ADAMTS8: variants seen among roughly 807,000 people sequenced by gnomAD.
ADAMTS8 encodes A disintegrin and metalloproteinase with thrombospondin motifs 8.
Under a neutral mutation model 64.4 loss-of-function variants are expected in ADAMTS8, and 50 were observed. The ratio of observed to expected loss-of-function variants is 0.78; its 90% confidence interval spans 0.62 to 0.98. The LOEUF is 0.98. Among genes scored for constraint, ADAMTS8 ranks in the 50% least tolerant of loss-of-function variants. The probability of loss-of-function intolerance (pLI) is 0.00; values close to 1 mark genes in which losing one functional copy is unlikely to be tolerated. For missense variants in ADAMTS8, 1,192 were observed against 1,208.2 expected, an observed-to-expected ratio of 0.99 and a Z score of 0.20; for synonymous variants, 556 against 533.6, an observed-to-expected ratio of 1.04 and a Z score of -0.58.
rs747674008 is a variant in ADAMTS8 at position 130,417,118 on chromosome 11, G to A, written c.961-43C>T. On this transcript the variant is annotated intron_variant, in intron 2 of 8. Transcript: ENST00000257359. The stretch of plus-strand genomic sequence containing the variant: ...AGCAAGAGAGTGCATCAGTGTGTGT[G>A]TGGGGTGCGCTGCAGGCCTGCAGGG... 12 of 1,610,180 alleles carry A rather than the reference G, an allele frequency of 7.5e-6. No homozygotes were observed. The African/African-American group carries it at 1.3e-4, about 18-fold the overall frequency.
At chr11:130,415,335 G>A (rs1463795215) in intron 4 of ADAMTS8, among the ~76,000 whole-genome samples, 1 of 151,982 alleles carries the variant, frequency 6.6e-6, no homozygotes, top group Non-Finnish European at 1.5e-5. Context: ...ATGAAGTCTA[G>A]CTCTGTTGCC....
Position 130,405,148 on chromosome 11 carries a change from C to T in ADAMTS8, c.*410G>A, listed in dbSNP as rs1861859772. On this transcript the variant is annotated 3_prime_UTR_variant, in exon 9 of 9. Coordinates refer to ENST00000257359, the MANE Select transcript of ADAMTS8 (RefSeq NM_007037.6). ...TGACATTCACCATTGACTCCCTGCC[C>T]CACGCCTCTCTTGTACTAATTTTTT... 1.0e-6 allele frequency: 1 copy of T among 998,838 alleles called. No individual in the cohort carries two copies. The allele number at this position is 998,838 out of a possible 1,614,324, so 61.9% of individuals were successfully genotyped here.
chr11:130,412,356 G>A (rs889537499), intron 5 of ADAMTS8, among the ~76,000 whole-genome samples: 3 of 152,156 alleles, frequency 2.0e-5, no homozygotes, highest in Admixed American at 6.5e-5. Context: ...TGGGATTACA[G>A]GTGCACACCT....
rs80248019 is a variant in ADAMTS8 at position 130,422,922 on chromosome 11, C to T, written c.721-3630G>A. Among the ~76,000 whole-genome samples, 41 of 152,334 alleles carry T rather than the reference C, an allele frequency of 2.7e-4. No homozygotes were observed. In the East Asian group the frequency reaches 7.3e-3, roughly 27 times the overall value. ...AATAGCCATGCCTTGCTGAGTATGTCGTCTGGACCAGGCACCAGGTCAGGT... is the reference window on the plus strand; with the variant it reads ...AATAGCCATGCCTTGCTGAGTATGTTGTCTGGACCAGGCACCAGGTCAGGT... On this transcript the variant is annotated intron_variant, in intron 1 of 8. Coordinates refer to ENST00000257359, the MANE Select transcript of ADAMTS8 (RefSeq NM_007037.6).
At chr11:130,407,241 G>A (rs1287804397) in intron 8 of ADAMTS8, among the ~76,000 whole-genome samples, 1 of 152,154 alleles carries the variant, frequency 6.6e-6, no homozygotes, top group Non-Finnish European at 1.5e-5. Context: ...GGTGGTGCAT[G>A]CCTGTAATCC....
rs1223122011 is a variant in ADAMTS8 at position 130,405,676 on chromosome 11, C to T, written c.2552G>A (p.Gly851Asp). 3 of 1,613,934 alleles carry T rather than the reference C, an allele frequency of 1.9e-6. No individual in the cohort carries two copies. Among genetic ancestry groups the T allele is most frequent in the Non-Finnish European group, 1.7e-6 (2 of 1,179,970 alleles). Residue 851 changes from glycine (G) to aspartate (D), a missense_variant, in exon 9 of 9, where the codon GGC (glycine) becomes GAC (aspartate). Transcript: ENST00000257359. ...WSECSSTCGA[G>D]WQRRTVECRD... is the part of the protein sequence containing the mutation. ...GCACTCTACAGTTCGCCTCTGCCAGCCGGCCCCGCAGGTGCTAGAGCACTC... is the reference window on the plus strand; with the variant it reads ...GCACTCTACAGTTCGCCTCTGCCAGTCGGCCCCGCAGGTGCTAGAGCACTC...
rs1862027809 is a variant in ADAMTS8, at chr11:130,416,551, A to G, written c.1097-221T>C. Among the ~76,000 whole-genome samples, 1 of 152,150 alleles carries G rather than the reference A, an allele frequency of 6.6e-6. No homozygotes were observed. Among genetic ancestry groups the G allele is most frequent in the Non-Finnish European group, 1.5e-5 (1 of 68,034 alleles). On this transcript the variant is annotated intron_variant, in intron 3 of 8. Transcript: ENST00000257359. This position sits in a 1 kb window ranked among gnomAD's most constrained non-coding sequence, Gnocchi z 4.8. ...TTATTTTCTGCCTCAGCCCGTCCTGAATTTGGATCTAGCTCTGTTATTTGC... is the reference window on the plus strand; with the variant it reads ...TTATTTTCTGCCTCAGCCCGTCCTGGATTTGGATCTAGCTCTGTTATTTGC...
rs1319616430 is a variant in ADAMTS8, at chr11:130,427,934, A to G, written c.353T>C (p.Leu118Pro). Reference sequence around the variant, plus strand: ...GAAGGAGCCGCTCAGCCCGCGGCACAGGCTGACCGCCGCCAGCGACTCGGG... The same window carrying G: ...GAAGGAGCCGCTCAGCCCGCGGCACGGGCTGACCGCCGCCAGCGACTCGGG... ...GEPESLAAVS[L>P]CRGLSGSFLL... is the part of the protein sequence containing the mutation. The change falls in exon 1 of 9, where the codon CTG becomes CCG. Residue 118 changes from leucine (L) to proline (P), a missense_variant. By Grantham distance (98) the Leu-to-Pro change is moderately conservative. Around this residue, in one of 5 missense-constraint regions of ADAMTS8, gnomAD observed 741 missense variants for 710.6 expected, o/e 1.04. Transcript: ENST00000257359. The G allele has an allele frequency of 2.0e-6, 3 of 1,532,376 alleles. No homozygotes were observed. Among genetic ancestry groups the G allele is most frequent in the African/African-American group, 2.8e-5 (2 of 72,494 alleles). 94.9% of individuals were successfully genotyped at this position (1,532,376 alleles called of 1,614,324 possible). A position where few individuals can be genotyped will look rare whatever the true frequency, so the allele number is the denominator to read the frequency against.
At chr11:130,421,975 G>A (rs183040324) in intron 1 of ADAMTS8, among the ~76,000 whole-genome samples, 16 of 152,330 alleles carry the variant, frequency 1.1e-4, no homozygotes, top group Non-Finnish European at 2.1e-4. Context: ...CAGAGCAGCC[G>A]CCCCCCAAAC....
rs976416227 is a variant in ADAMTS8 at position 130,411,362 on chromosome 11, C to T, written c.1750+55G>A. On this transcript the variant is annotated intron_variant, in intron 6 of 8. Coordinates refer to ENST00000257359, the MANE Select transcript of ADAMTS8 (RefSeq NM_007037.6). The surrounding 1 kb of genome is among the most constrained non-coding windows in gnomAD (Gnocchi z 4.2). ...CCACTTTACACATCCTCTGGGGATG[C>T]GTCATAGCAATGATAGTAGCTGCTC... 43 of 1,571,080 alleles carry T rather than the reference C, an allele frequency of 2.7e-5. No homozygotes were observed. The highest frequency in any genetic ancestry group is 1.7e-4 in the Middle Eastern group (1 of 5,904).
chr11:130,408,596 C>G lies in ADAMTS8; in HGVS notation c.1967G>C (p.Cys656Ser). The change falls in exon 8 of 9, where the codon TGT (cysteine) becomes TCT (serine). Residue 656 changes from cysteine (C) to serine (S), a missense_variant. Cys to Ser is a moderately radical substitution (Grantham distance 112). Transcript: ENST00000257359. ...GGCCTTGACACACTGGCCACGGACA[C>G]AGATGGCCAGTGTTTCTGGCCCACA... ...TLCGPETLAI[C>S]VRGQCVKAGC... The G allele has an allele frequency of 6.2e-7, 1 of 1,614,208 alleles. No individual in the cohort carries two copies. Among genetic ancestry groups the G allele is most frequent in the Non-Finnish European group, 8.5e-7 (1 of 1,180,050 alleles).
chr11:130,425,604 T>TC (rs1397037206), intron 1 of ADAMTS8, among the ~76,000 whole-genome samples: 1 of 88,532 alleles, frequency 1.1e-5, no homozygotes, highest in African/African-American at 1.2e-4. Flanking sequence ...TTCTTTTTTC[T>TC]TTTTTTTTTT....
intron 1 of ADAMTS8, among the ~76,000 whole-genome samples, chr11:130,423,591 T>G (rs1286570043): frequency 6.6e-6 from 1 of 152,226 alleles, no homozygotes; most frequent in Non-Finnish European, 1.5e-5. Flanking sequence ...GAGATGGCTG[T>G]GACAGCCGTC....
In ADAMTS8 at chr11:130,411,502, G is replaced by A. The variant is rs750163936; in HGVS notation, c.1665C>T (p.Asp555=). 6.2e-7 allele frequency: 1 copy of A among 1,614,154 alleles called. No individual in the cohort carries two copies. Reference sequence around the variant, plus strand: ...ATCTTCCTCCATTCTGAGGCTCGGGGTCCTTGCACTCACGGTGTGAAAACT... The same window carrying A: ...ATCTTCCTCCATTCTGAGGCTCGGGATCCTTGCACTCACGGTGTGAAAACT... ...GVQFSHRECK[D]PEPQNGGRYC... The change falls in exon 6 of 9, where the codon GAC becomes GAT. Residue 555 remains aspartate (D), a synonymous_variant. Coordinates refer to ENST00000257359, the MANE Select transcript of ADAMTS8 (RefSeq NM_007037.6). The surrounding 1 kb of genome is among the most constrained non-coding windows in gnomAD (Gnocchi z 4.2).
In ADAMTS8 at chr11:130,406,487, C is replaced by T. The variant is rs555921624; in HGVS notation, c.2100-359G>A. On this transcript the variant is annotated intron_variant, in intron 8 of 8. Transcript: ENST00000257359. ...ACCTGTCAAATGTGATCTCAAATAC[C>T]TCTAGCTCCTTGCACTGGTATACAA... Among the ~76,000 whole-genome samples the T allele has an allele frequency of 2.0e-5, 3 of 152,322 alleles. No homozygotes were observed. The East Asian group carries it at 5.8e-4, about 29-fold the overall frequency.
In ADAMTS8 at chr11:130,428,229, G is replaced by A; in HGVS notation, c.58C>T (p.Leu20=). The part of the protein sequence containing the change: ...WPPLLLLLLL[L]LPLARGAPAR... ...GGGGCGCCGCGGGCCAGCGGCAGCA[G>A]CAGCAGCAGCAGCAGCAGGAGCGGA... The change falls in exon 1 of 9, where the codon CTG becomes TTG. Residue 20 remains leucine, a synonymous_variant. Coordinates refer to ENST00000257359, the MANE Select transcript of ADAMTS8 (RefSeq NM_007037.6). 7.4e-6 allele frequency: 9 copies of A among 1,221,712 alleles called. No individual in the cohort carries two copies. The highest frequency in any genetic ancestry group is 9.1e-6 in the Non-Finnish European group (9 of 985,150). The allele number at this position is 1,221,712 out of a possible 1,614,324, so 75.7% of individuals were successfully genotyped here.
intron 5 of ADAMTS8, among the ~76,000 whole-genome samples, chr11:130,412,529 C>T (rs899006435): frequency 1.3e-4 from 20 of 152,250 alleles, no homozygotes; most frequent in Admixed American, 9.8e-4. Flanking sequence ...TCCCATTTTA[C>T]AACTGACCTA....
chr11:130,425,370 C>G (rs1432161582), intron 1 of ADAMTS8, among the ~76,000 whole-genome samples: 1 of 152,120 alleles, frequency 6.6e-6, no homozygotes, highest in Non-Finnish European at 1.5e-5. Flanking sequence ...GGCAAATACT[C>G]AGTTATCTCC....
At chr11:130,413,862 G>A (rs1440786068) in intron 5 of ADAMTS8, among the ~76,000 whole-genome samples, 3 of 152,134 alleles carry the variant, frequency 2.0e-5, no homozygotes, top group African/African-American at 4.8e-5. Context: ...TGTTCATGAC[G>A]GAATTGACAG....
Sources: gnomAD v4.1 joint callset for allele counts (sites outside exome capture counted in the v4.1 genomes callset) on GRCh38, gnomAD v4.1.1 for gene constraint, gnomAD v4.1.1 regional missense constraint, Gnocchi (gnomAD v3.1) non-coding constraint, MANE v1.5 for transcripts, NCBI Gene and HGNC (gene_info 2026-07-23, HGNC 2026-07-21) for gene names.